The following ARID5A variants were observed in gnomAD, a reference collection of about 807,000 sequenced individuals.
ARID5A encodes AT-rich interaction domain 5A, also known as AT-rich interactive domain-containing protein 5A.
A neutral mutation model predicts 30.5 loss-of-function variants in ARID5A; 14 were observed. The ratio of observed to expected loss-of-function variants is 0.46; its 90% CI spans 0.30 to 0.72. The LOEUF is 0.72. Ranked by LOEUF, ARID5A falls within the 30% of genes least tolerant of loss-of-function variation. The pLI is 0.07. For synonymous variants in ARID5A, 338 were observed against 340.4 expected (o/e 0.99, Z 0.08); for missense variants, 669 against 786.2 (o/e 0.85, Z 1.78).
At chr2:96,548,679 C>T (rs979408626) in intron 2 of ARID5A, among the ~76,000 whole-genome samples, 1 of 152,220 alleles carries the variant, frequency 6.6e-6, no homozygotes, top group Non-Finnish European at 1.5e-5. Flanking sequence ...AGGCTCTCTG[C>T]CCCGAGCCAC....
chr2:96,548,814 C>T (rs1045985823), intron 2 of ARID5A, among the ~76,000 whole-genome samples: 2 of 152,234 alleles, frequency 1.3e-5, no homozygotes, highest in African/African-American at 4.8e-5. Context: ...GCACGGCAGG[C>T]TGGGGCCACA....
chr2:96,542,185 A>G (rs1025196757), intron 1 of ARID5A, among the ~76,000 whole-genome samples: 2 of 152,190 alleles, frequency 1.3e-5, no homozygotes, highest in Non-Finnish European at 1.5e-5. Flanking sequence ...GGGACAAGAC[A>G]GAGGGCACCC....
At chr2:96,544,590 C>A (rs1258368034) in intron 1 of ARID5A, among the ~76,000 whole-genome samples, 1 of 152,204 alleles carries the variant, frequency 6.6e-6, no homozygotes, top group East Asian at 1.9e-4. Context: ...ACTGTTGAGA[C>A]CTACTGCTCA....
chr2:96,549,376 AG>A lies in ARID5A; in HGVS notation c.178del (p.Ala60ProfsTer10). On this transcript the variant is annotated frameshift_variant, in exon 3 of 7. Coordinates refer to ENST00000357485, the MANE Select transcript of ARID5A (RefSeq NM_212481.3). LOFTEE classifies it high-confidence loss of function. This position sits in a 1 kb window ranked among gnomAD's most constrained non-coding sequence, Gnocchi z 6.1. The stretch of plus-strand genomic sequence containing the variant: ...GAGGAGCAGGAGCGGGAGGAGGAGC[AG>A]GCCTTCCTGGTCAGCCTCTACAAGT... ...REEEQEREEE[Q>X]AFLVSLYKFM... 1 of 1,613,888 alleles carries A rather than the reference AG, an allele frequency of 6.2e-7. No homozygotes were observed. The highest frequency in any genetic ancestry group is 8.5e-7 in the Non-Finnish European group (1 of 1,179,964).
intron 1 of ARID5A, among the ~76,000 whole-genome samples, chr2:96,542,937 C>T (rs1476415448): frequency 1.3e-5 from 2 of 152,168 alleles, no homozygotes; most frequent in East Asian, 3.8e-4. Flanking sequence ...GCAAAGAACT[C>T]AAGGATCTTC....
rs1203008880 is a variant in ARID5A at position 96,550,202 on chromosome 2, C to G, written c.327C>G (p.Arg109=). The part of the protein sequence containing the change: ...LGAYELVTGR[R]LWKNVYDELG... Reference sequence around the variant, plus strand: ...TGCCCTTGCAGGTGACCGGGCGCCGCCTCTGGAAGAACGTGTACGACGAGC... The same window carrying G: ...TGCCCTTGCAGGTGACCGGGCGCCGGCTCTGGAAGAACGTGTACGACGAGC... Residue 109 remains arginine, a synonymous_variant, in exon 5 of 7, where the codon CGC becomes CGG. Transcript: ENST00000357485. This position sits in a 1 kb window ranked among gnomAD's most constrained non-coding sequence, Gnocchi z 6.6. 1 of 1,535,060 alleles carries G rather than the reference C, an allele frequency of 6.5e-7. No homozygotes were observed. Among genetic ancestry groups the G allele is most frequent in the Admixed American group, 2.0e-5 (1 of 49,930 alleles).
rs772566830 is a variant in ARID5A at position 96,551,553 on chromosome 2, G to A, written c.1025G>A (p.Gly342Asp). ...TGCCCGGCAGCCCCCATCTTCAAGGGCTGCTTCTACACCCACCCCACCGAG... is the reference window on the plus strand; with the variant it reads ...TGCCCGGCAGCCCCCATCTTCAAGGACTGCTTCTACACCCACCCCACCGAG... ...GPCPAAPIFK[G>D]CFYTHPTEVL... Residue 342 changes from glycine (G) to aspartate (D), a missense_variant, in exon 7 of 7, where the codon GGC becomes GAC. Gly to Asp is a moderately conservative substitution (Grantham distance 94). This residue lies in a region of ARID5A where 548 missense variants were observed against 577.4 expected (regional missense o/e 0.95). Coordinates refer to ENST00000357485, the MANE Select transcript of ARID5A (RefSeq NM_212481.3). The A allele has an allele frequency of 2.5e-6, 4 of 1,607,414 alleles. No individual in the cohort carries two copies. Among genetic ancestry groups the A allele is most frequent in the South Asian group, 1.1e-5 (1 of 90,168 alleles).
Position 96,552,070 on chromosome 2 carries a change from C to T in ARID5A, c.1542C>T (p.Thr514=). The T allele has an allele frequency of 6.3e-7, 1 of 1,586,712 alleles. No homozygotes were observed. Among genetic ancestry groups the T allele is most frequent in the Non-Finnish European group, 8.6e-7 (1 of 1,165,880 alleles). Residue 514 remains threonine (T), a synonymous_variant, in exon 7 of 7, where the codon ACC becomes ACT. Coordinates refer to ENST00000357485, the MANE Select transcript of ARID5A (RefSeq NM_212481.3). ...MLHCPLNFTG[T]PGPLKGQAAL... ...ACTGCCCGCTGAACTTCACTGGCAC[C>T]CCGGGCCCCTTGAAGGGCCAGGCTG... is the stretch of plus-strand genomic sequence containing the variant.
chr2:96,546,470 A>T lies in ARID5A; in HGVS notation c.5-932A>T, dbSNP rs2065930585. On this transcript the variant is annotated intron_variant, in intron 1 of 6. Coordinates refer to ENST00000357485, the MANE Select transcript of ARID5A (RefSeq NM_212481.3). ...GGTGGTTCTTAGTAAAATACAGCCC[A>T]TGGCTTCTCCTGCCCACCACGCAGG... Among the ~76,000 whole-genome samples, 3 of 152,246 alleles carry T rather than the reference A, an allele frequency of 2.0e-5. No individual in the cohort carries two copies. The South Asian group carries it at 6.2e-4, about 31-fold the overall frequency.
chr2:96,548,468 G>A (rs2065967581), intron 2 of ARID5A, among the ~76,000 whole-genome samples: 1 of 152,134 alleles, frequency 6.6e-6, no homozygotes, highest in Admixed American at 6.5e-5. Context: ...ATTTCCCCAT[G>A]TTGGCCAGGC....
chr2:96,546,836 T>G (rs1361867239), intron 1 of ARID5A, among the ~76,000 whole-genome samples: 1 of 152,212 alleles, frequency 6.6e-6, no homozygotes, highest in East Asian at 1.9e-4. Flanking sequence ...TGTGTTGCTT[T>G]GGGGCCACAG....
intron 1 of ARID5A, among the ~76,000 whole-genome samples, chr2:96,540,693 A>C (rs1465071947): frequency 1.3e-5 from 2 of 152,238 alleles, no homozygotes; most frequent in Non-Finnish European, 2.9e-5. Context: ...ATTTCTCCTC[A>C]AAGTAGTTTC....
chr2:96,549,895 C>A lies in ARID5A; in HGVS notation c.312+90C>A. 2 of 1,549,738 alleles carry A rather than the reference C, an allele frequency of 1.3e-6. No individual in the cohort carries two copies. Among genetic ancestry groups the A allele is most frequent in the Non-Finnish European group, 1.7e-6 (2 of 1,145,798 alleles). On this transcript the variant is annotated intron_variant, in intron 4 of 6. Coordinates refer to ENST00000357485, the MANE Select transcript of ARID5A (RefSeq NM_212481.3). The surrounding 1 kb of genome is among the most constrained non-coding windows in gnomAD (Gnocchi z 6.1). ...CCTTGCCTCTGGACAGAGGAAGAGC[C>A]AGGATCCCCAGTCCTACCCCTGCGT...
chr2:96,549,892 AGC>A lies in ARID5A; in HGVS notation c.312+88_312+89del, dbSNP rs1338686164. 112 of 1,554,822 alleles carry A rather than the reference AGC, an allele frequency of 7.2e-5. No homozygotes were observed. The highest frequency in any genetic ancestry group is 9.2e-5 in the Non-Finnish European group (106 of 1,148,464). ...TGTCCTTGCCTCTGGACAGAGGAAGAGCCAGGATCCCCAGTCCTACCCCTGCG... is the reference window on the plus strand; with the variant it reads ...TGTCCTTGCCTCTGGACAGAGGAAGACAGGATCCCCAGTCCTACCCCTGCG... On this transcript the variant is annotated intron_variant, in intron 4 of 6. Transcript: ENST00000357485. The surrounding 1 kb of genome is among the most constrained non-coding windows in gnomAD (Gnocchi z 6.1).
In ARID5A at chr2:96,552,124, G is replaced by T. The variant is rs749327416; in HGVS notation, c.1596G>T (p.Pro532=). The change falls in exon 7 of 7, where the codon CCG becomes CCT. Residue 532 remains proline (P), a synonymous_variant. Transcript: ENST00000357485. The stretch of plus-strand genomic sequence containing the variant: ...TCCCCTTCAGCCCCCTGGTCATCCC[G>T]GCCTTCCCGGCCCACTTCCTGGCCA... ...AALPFSPLVI[P]AFPAHFLATA... 3 of 1,611,566 alleles carry T rather than the reference G, an allele frequency of 1.9e-6. No individual in the cohort carries two copies. The highest frequency in any genetic ancestry group is 1.7e-6 in the Non-Finnish European group (2 of 1,179,276).
chr2:96,551,879 G>A lies in ARID5A; in HGVS notation c.1351G>A (p.Gly451Ser). The A allele has an allele frequency of 1.3e-6, 2 of 1,570,446 alleles. No homozygotes were observed. The highest frequency in any genetic ancestry group is 1.2e-5 in the South Asian group (1 of 85,000). The change falls in exon 7 of 7, where the codon GGT becomes AGT. Residue 451 changes from glycine to serine, a missense_variant. By Grantham distance (56) the Gly-to-Ser change is moderately conservative. Around this residue, in one of 4 missense-constraint regions of ARID5A, gnomAD observed 548 missense variants for 577.4 expected, o/e 0.95. Transcript: ENST00000357485. ...CAGCAAGCGCAGCCTGGAGGAAGAG[G>A]GTGCTGCCCACAGTGGGAAGAGACT... ...LGSKRSLEEEGAAHSGKRLRA... is the reference protein window; with the variant it reads ...LGSKRSLEEESAAHSGKRLRA...
chr2:96,549,447 G>A lies in ARID5A; in HGVS notation c.247G>A (p.Gly83Ser), dbSNP rs1186194987. The change falls in exon 3 of 7, where the codon GGC (glycine) becomes AGC (serine). Residue 83 changes from glycine to serine, a missense_variant. Coordinates refer to ENST00000357485, the MANE Select transcript of ARID5A (RefSeq NM_212481.3). This position sits in a 1 kb window ranked among gnomAD's most constrained non-coding sequence, Gnocchi z 6.1. ...GCCCATCGAGAGGGTGCCCCATCTCGGCTTCAAGCAGAGTGCGTCCCTGGG... is the reference window on the plus strand; with the variant it reads ...GCCCATCGAGAGGGTGCCCCATCTCAGCTTCAAGCAGAGTGCGTCCCTGGG... ...HTPIERVPHL[G>S]FKQINLWKIY... 2.5e-6 allele frequency: 4 copies of A among 1,613,254 alleles called. No homozygotes were observed. Among genetic ancestry groups the A allele is most frequent in the Admixed American group, 1.7e-5 (1 of 59,934 alleles).
chr2:96,548,423 G>C (rs1293323623), intron 2 of ARID5A, among the ~76,000 whole-genome samples: 1 of 152,084 alleles, frequency 6.6e-6, no homozygotes, highest in Admixed American at 6.6e-5. Context: ...GCACTACCAG[G>C]CCTGGCTAAT....
In ARID5A at chr2:96,550,413, G is replaced by C. The variant is rs2066012442; in HGVS notation, c.410+128G>C. On this transcript the variant is annotated intron_variant, in intron 5 of 6. Coordinates refer to ENST00000357485, the MANE Select transcript of ARID5A (RefSeq NM_212481.3). The surrounding 1 kb of genome is among the most constrained non-coding windows in gnomAD (Gnocchi z 6.6). ...ATGCGCCGTCCTCAGAGCTGCGGGA[G>C]CCCAGGCTGGCTGGGCGCACTCACT... 2.1e-6 allele frequency: 3 copies of C among 1,431,746 alleles called. No individual in the cohort carries two copies. Among genetic ancestry groups the C allele is most frequent in the Non-Finnish European group, 2.7e-6 (3 of 1,094,462 alleles). The allele number at this position is 1,431,746 out of a possible 1,614,324, so 88.7% of individuals were successfully genotyped here.
Sources: allele counts gnomAD v4.1 joint callset (sites outside exome capture counted in the v4.1 genomes callset), GRCh38; gene constraint gnomAD v4.1.1; regional missense constraint gnomAD v4.1.1; non-coding constraint Gnocchi (gnomAD v3.1); transcripts MANE v1.5; gene names NCBI Gene and HGNC (gene_info 2026-07-23, HGNC 2026-07-21).